WIF1: variants seen among roughly 807,000 people sequenced by gnomAD.
The protein encoded by WIF1 is Wnt inhibitory factor 1.
A neutral mutation model predicts 53.5 loss-of-function variants in WIF1; 35 were observed. The observed-to-expected ratio is 0.65, with a 90% confidence interval of 0.50 to 0.87. The LOEUF (loss-of-function observed/expected upper bound fraction) is 0.87, where lower values mean the gene tolerates loss of function less well. WIF1 is among the 40% of genes least tolerant of loss of function. The pLI, the probability that WIF1 is intolerant of heterozygous loss-of-function variation, is 0.00. For missense variants in WIF1, 467 were observed against 476.8 expected (o/e 0.98, Z 0.19); for synonymous variants, 171 against 170.4 (o/e 1.00, Z -0.03).
chr12:65,109,375 A>G (rs1883396605), intron 2 of WIF1, among the ~76,000 whole-genome samples: 5 of 152,178 alleles, frequency 3.3e-5, no homozygotes. Flanking sequence ...GTCTCTCTAC[A>G]AATTAGGTGG....
chr12:65,092,165 C>T (rs933558419), intron 2 of WIF1, among the ~76,000 whole-genome samples: 2 of 151,812 alleles, frequency 1.3e-5, no homozygotes, highest in Admixed American at 6.6e-5. Context: ...AACCATCATT[C>T]TCAGCAAACT....
intron 2 of WIF1, among the ~76,000 whole-genome samples, chr12:65,085,817 T>G (rs989923739): frequency 5.9e-5 from 9 of 152,192 alleles, no homozygotes; most frequent in African/African-American, 2.2e-4. Flanking sequence ...TATGAGAGTT[T>G]TGTAAATTAA....
intron 2 of WIF1, among the ~76,000 whole-genome samples, chr12:65,085,338 T>C (rs7974891): frequency 0.59 from 88,943 of 152,020 alleles, 27,098 homozygotes; most frequent in East Asian, 0.86. Flanking sequence ...ATTTCATATA[T>C]ACCTTATAGG....
At chr12:65,097,747 C>G (rs1231394606) in intron 2 of WIF1, among the ~76,000 whole-genome samples, 1 of 152,212 alleles carries the variant, frequency 6.6e-6, no homozygotes, top group African/African-American at 2.4e-5. Context: ...GAGAGTGAAT[C>G]TTTCCACAGA....
At chr12:65,075,531 A>G (rs1882848361) in intron 3 of WIF1, among the ~76,000 whole-genome samples, 1 of 152,244 alleles carries the variant, frequency 6.6e-6, no homozygotes, top group African/African-American at 2.4e-5. Context: ...CCCTATGTAT[A>G]GAAAAACTTA....
chr12:65,093,474 T>C (rs944752950), intron 2 of WIF1, among the ~76,000 whole-genome samples: 1 of 152,190 alleles, frequency 6.6e-6, no homozygotes, highest in African/African-American at 2.4e-5. Flanking sequence ...ATACCTTAGC[T>C]TTTTAATTTC....
intron 2 of WIF1, among the ~76,000 whole-genome samples, chr12:65,105,375 T>C (rs79579286): frequency 0.018 from 2,762 of 152,242 alleles, 45 homozygotes; most frequent in Non-Finnish European, 0.026. Context: ...TTCACTGGGC[T>C]CAGGGTATTA....
At position 65,068,851 on chromosome 12, in the gene WIF1, C is replaced by T; in HGVS notation, c.451G>A (p.Glu151Lys). 1 of 1,613,714 alleles carries T rather than the reference C, an allele frequency of 6.2e-7. No homozygotes were observed. The highest frequency in any genetic ancestry group is 8.5e-7 in the Non-Finnish European group (1 of 1,179,756). ...LGKQDGVAAFEVDVIVMNSEG... is the reference protein window; with the variant it reads ...LGKQDGVAAFKVDVIVMNSEG... The stretch of plus-strand genomic sequence containing the variant: ...GAATTCATAACAATCACATCCACTT[C>T]AAATGCTGCCACCCCATCCTGTTTT... Residue 151 changes from glutamate (E) to lysine (K), a missense_variant, in exon 4 of 10, where the codon GAA (glutamate) becomes AAA (lysine). Physicochemically the swap from Glu to Lys is moderately conservative, Grantham distance 56. Transcript: ENST00000286574.
intron 7 of WIF1, among the ~76,000 whole-genome samples, chr12:65,062,183 G>T (rs1216071053): frequency 6.6e-6 from 1 of 152,132 alleles, no homozygotes; most frequent in Non-Finnish European, 1.5e-5. Context: ...CACATAATGA[G>T]GAGGGGACAA....
At chr12:65,114,171 T>A (rs1270801905) in intron 2 of WIF1, among the ~76,000 whole-genome samples, 2 of 100,152 alleles carry the variant, frequency 2.0e-5, no homozygotes, top group Non-Finnish European at 5.1e-5. Context: ...TACCCTATTT[T>A]TTTTATTTTT....
At chr12:65,110,928 G>T (rs925692584) in intron 2 of WIF1, among the ~76,000 whole-genome samples, 1 of 152,206 alleles carries the variant, frequency 6.6e-6, no homozygotes, top group Non-Finnish European at 1.5e-5. Flanking sequence ...AGGGGAGTCA[G>T]GGGAAGCCTC....
chr12:65,103,543 T>C (rs1250251361), intron 2 of WIF1, among the ~76,000 whole-genome samples: 1 of 152,148 alleles, frequency 6.6e-6, no homozygotes, highest in Non-Finnish European at 1.5e-5. Flanking sequence ...ACTTTGGGAA[T>C]CAAAAATATT....
chr12:65,054,348 C>T (rs1253839623), intron 9 of WIF1, among the ~76,000 whole-genome samples: 1 of 152,132 alleles, frequency 6.6e-6, no homozygotes, highest in Non-Finnish European at 1.5e-5. Context: ...TGTTAATTTG[C>T]TAATTGACTG....
intron 2 of WIF1, among the ~76,000 whole-genome samples, chr12:65,106,954 G>C (rs1883361547): frequency 6.6e-6 from 1 of 152,170 alleles, no homozygotes; most frequent in Non-Finnish European, 1.5e-5. Flanking sequence ...TTTTTAATGA[G>C]GATAAGTTCT....
intron 9 of WIF1, among the ~76,000 whole-genome samples, chr12:65,052,841 C>G (rs1230552311): frequency 6.6e-6 from 1 of 152,118 alleles, no homozygotes; most frequent in East Asian, 1.9e-4. Flanking sequence ...CACGAGGGCC[C>G]CTAACTTGCC....
intron 2 of WIF1, among the ~76,000 whole-genome samples, chr12:65,099,173 G>A: frequency 6.6e-6 from 1 of 152,146 alleles, no homozygotes; most frequent in Non-Finnish European, 1.5e-5. Context: ...AGAAACACAT[G>A]TGAACCTAGA....
chr12:65,092,989 T>G (rs1192844848), intron 2 of WIF1, among the ~76,000 whole-genome samples: 1 of 152,134 alleles, frequency 6.6e-6, no homozygotes, highest in Admixed American at 6.5e-5. Flanking sequence ...TCAACCATGT[T>G]GCAACCAACC....
chr12:65,101,691 C>A (rs1050372390), intron 2 of WIF1, among the ~76,000 whole-genome samples: 1 of 152,196 alleles, frequency 6.6e-6, no homozygotes, highest in Non-Finnish European at 1.5e-5. Flanking sequence ...ACATAAATCA[C>A]AGACATTTTA....
chr12:65,095,591 G>C (rs1883191252), intron 2 of WIF1, among the ~76,000 whole-genome samples: 1 of 152,086 alleles, frequency 6.6e-6, no homozygotes, highest in Non-Finnish European at 1.5e-5. Context: ...AAAAAAGGAT[G>C]ATCAAAGAAA....
Sources: gnomAD v4.1 joint callset for allele counts (sites outside exome capture counted in the v4.1 genomes callset) on GRCh38, gnomAD v4.1.1 for gene constraint, MANE v1.5 for transcripts, NCBI Gene and HGNC (gene_info 2026-07-23, HGNC 2026-07-21) for gene names.